CAMK2D: variants seen among roughly 807,000 people sequenced by gnomAD.
The protein encoded by CAMK2D is calcium/calmodulin-dependent protein kinase type II subunit delta.
A neutral mutation model predicts 84.0 loss-of-function variants in CAMK2D; 37 were observed. The ratio of observed to expected loss-of-function variants is 0.44; its 90% CI spans 0.34 to 0.58. CAMK2D has a LOEUF of 0.58. CAMK2D is among the 20% of genes least tolerant of loss of function. CAMK2D has a pLI of 0.02. For missense variants in CAMK2D, 448 were observed against 652.5 expected, an observed-to-expected ratio of 0.69 and a Z score of 3.41; for synonymous variants, 202 against 212.5, an observed-to-expected ratio of 0.95 and a Z score of 0.43.
At chr4:113,731,823 A>G (rs1226685980) in intron 2 of CAMK2D, among the ~76,000 whole-genome samples, 2 of 152,054 alleles carry the variant, frequency 1.3e-5, no homozygotes, top group African/African-American at 4.8e-5. Context: ...TGACCTCATG[A>G]TCCGCCTGCC....
chr4:113,659,749 C>T (rs1195257313), intron 3 of CAMK2D, among the ~76,000 whole-genome samples: 1 of 152,190 alleles, frequency 6.6e-6, no homozygotes, highest in Admixed American at 6.5e-5. Flanking sequence ...CAAACCAATA[C>T]AGCCAAACAA....
At chr4:113,641,494 A>G (rs2099132127) in intron 3 of CAMK2D, among the ~76,000 whole-genome samples, 1 of 152,214 alleles carries the variant, frequency 6.6e-6, no homozygotes, top group East Asian at 1.9e-4. Context: ...GATTGACACT[A>G]TCTAAGGATC....
chr4:113,493,726 C>T (rs1178533662), intron 16 of CAMK2D, among the ~76,000 whole-genome samples: 3 of 151,988 alleles, frequency 2.0e-5, no homozygotes, highest in Middle Eastern at 3.4e-3. Flanking sequence ...TGGATAATAT[C>T]CTGCAGAGTG....
intron 8 of CAMK2D, among the ~76,000 whole-genome samples, chr4:113,528,842 A>G (rs894126528): frequency 1.3e-5 from 2 of 152,244 alleles, no homozygotes; most frequent in African/African-American, 4.8e-5. Context: ...TGCAAGGAAA[A>G]TATCTGAGAT....
chr4:113,702,900 AAAATATATATATAT>A (rs2099426577), intron 2 of CAMK2D, among the ~76,000 whole-genome samples: 1 of 151,186 alleles, frequency 6.6e-6, no homozygotes, highest in Non-Finnish European at 1.5e-5. Flanking sequence ...CTCTTATCTT[AAAATATATATATAT>A]ACATAAGTGA....
At chr4:113,462,181 A>T (rs2097384728) in intron 17 of CAMK2D, among the ~76,000 whole-genome samples, 4 of 152,096 alleles carry the variant, frequency 2.6e-5, no homozygotes, top group Admixed American at 2.6e-4. Context: ...TTACTGCCTT[A>T]CATCAGTACT....
intron 16 of CAMK2D, among the ~76,000 whole-genome samples, chr4:113,488,722 C>G (rs1247839629): frequency 6.6e-6 from 1 of 152,124 alleles, no homozygotes. Context: ...TTCACAAACT[C>G]ACAAGAAAAG....
chr4:113,457,670 C>A, intron 18 of CAMK2D, 107 bp from the exon 19 acceptor site: 2 of 792,484 alleles, frequency 2.5e-6, no homozygotes, highest in South Asian at 1.7e-5. Context: ...TTTATTCACT[C>A]ACTAATTAAT....
chr4:113,760,234 C>T (rs2099637866), intron 1 of CAMK2D, among the ~76,000 whole-genome samples: 1 of 152,236 alleles, frequency 6.6e-6, no homozygotes, highest in African/African-American at 2.4e-5. Flanking sequence ...CCAAGTAGTT[C>T]TGCCAGTCGG....
intron 4 of CAMK2D, among the ~76,000 whole-genome samples, chr4:113,558,653 A>C (rs1315605750): frequency 6.6e-6 from 1 of 152,204 alleles, no homozygotes; most frequent in Admixed American, 6.5e-5. Flanking sequence ...TAATACATAC[A>C]TATACACACA....
At chr4:113,702,295 C>G (rs1460163663) in intron 2 of CAMK2D, among the ~76,000 whole-genome samples, 6 of 152,134 alleles carry the variant, frequency 3.9e-5, no homozygotes, top group African/African-American at 1.4e-4. Context: ...GACCAGACAG[C>G]AAATATTCTA....
At chr4:113,520,604 A>G (rs976004224) in intron 8 of CAMK2D, among the ~76,000 whole-genome samples, 11 of 152,030 alleles carry the variant, frequency 7.2e-5, no homozygotes, top group East Asian at 5.8e-4. Context: ...AAAATCATTA[A>G]AAGTCAATGA....
intron 18 of CAMK2D, 71 bp from the exon 19 acceptor site, chr4:113,457,634 A>G (rs1419553358): frequency 1.3e-4 from 146 of 1,111,924 alleles, no homozygotes; most frequent in Non-Finnish European, 2.7e-6. Flanking sequence ...TAATAACTTC[A>G]GTTAGGACCA....
chr4:113,460,380 A>G lies in CAMK2D; in HGVS notation c.1212-139T>C, dbSNP rs2097358228. 44 of 659,610 alleles carry G rather than the reference A, an allele frequency of 6.7e-5. No individual in the cohort carries two copies. In the South Asian group the frequency reaches 7.5e-4, roughly 11 times the overall value. The allele number at this position is 659,610 out of a possible 1,614,324, so 40.9% of individuals were successfully genotyped here. On this transcript the variant is annotated intron_variant, in intron 17 of 20. Transcript: ENST00000511664. ...CACTTACATACAAAAGTTCTATCATAAACCTTGGCAAGGTGGGTTGAGGAG... is the reference window on the plus strand; with the variant it reads ...CACTTACATACAAAAGTTCTATCATGAACCTTGGCAAGGTGGGTTGAGGAG...
chr4:113,693,333 T>C (rs992892116), intron 2 of CAMK2D, among the ~76,000 whole-genome samples: 16 of 152,182 alleles, frequency 1.1e-4, no homozygotes, highest in Admixed American at 3.3e-4. Flanking sequence ...CTTAGCTAGT[T>C]CTGCTAAATT....
intron 16 of CAMK2D, among the ~76,000 whole-genome samples, chr4:113,485,729 C>T (rs1466441628): frequency 6.6e-6 from 1 of 152,164 alleles, no homozygotes; most frequent in African/African-American, 2.4e-5. Context: ...ATGTATGCCT[C>T]TCATCTCTTA....
intron 4 of CAMK2D, among the ~76,000 whole-genome samples, chr4:113,560,630 A>G (rs1345763400): frequency 6.6e-6 from 1 of 152,180 alleles, no homozygotes; most frequent in African/African-American, 2.4e-5. Context: ...AAGAATTAGC[A>G]CAACTGGGAC....
chr4:113,502,521 C>CAA lies in CAMK2D; in HGVS notation c.1086+413_1086+414dup, dbSNP rs5861138. 3.9e-3 allele frequency among the ~76,000 whole-genome samples: 522 copies of CAA among 134,200 alleles called. 4 individuals are homozygous for CAA. The highest frequency in any genetic ancestry group is 0.013 in the African/African-American group (488 of 36,364). The allele number at this position is 134,200 out of a possible 152,430, so 88.0% of individuals were successfully genotyped here. ...AATAAAACTCAAAAGTAACACTAAACAAAAAAAAAAACCTATAAAGTCAAG... is the reference window on the plus strand; with the variant it reads ...AATAAAACTCAAAAGTAACACTAAACAAAAAAAAAAAAACCTATAAAGTCAAG... On this transcript the variant is annotated intron_variant, in intron 15 of 20. Transcript: ENST00000511664.
chr4:113,613,416 A>C (rs2099008766), intron 3 of CAMK2D, among the ~76,000 whole-genome samples: 1 of 152,150 alleles, frequency 6.6e-6, no homozygotes, highest in Non-Finnish European at 1.5e-5. Context: ...CTGGTTTGTC[A>C]GGGTAAAATA....
Sources: gnomAD v4.1 joint callset for allele counts (sites outside exome capture counted in the v4.1 genomes callset) on GRCh38, gnomAD v4.1.1 for gene constraint, MANE v1.5 for transcripts, NCBI Gene and HGNC (gene_info 2026-07-23, HGNC 2026-07-21) for gene names.